The following DLG2 variants were observed in gnomAD, a reference collection of about 807,000 sequenced individuals.
DLG2 encodes the protein discs large MAGUK scaffold protein 2, also known as disks large homolog 2.
In DLG2, 45 loss-of-function variants were observed where a neutral mutation model predicts 132.5. The ratio of observed to expected loss-of-function variants is 0.34; its 90% CI spans 0.27 to 0.44. The LOEUF (loss-of-function observed/expected upper bound fraction) is 0.44. Among genes scored for constraint, DLG2 ranks in the 20% least tolerant of loss-of-function variants. The pLI, the probability that DLG2 is intolerant of heterozygous loss-of-function variation, is 1.00. For synonymous variants in DLG2, 424 were observed against 419.6 expected, an observed-to-expected ratio of 1.01 and a Z score of -0.13; for missense variants, 1,045 against 1,196.9, an observed-to-expected ratio of 0.87 and a Z score of 1.87.
intron 3 of DLG2, among the ~76,000 whole-genome samples, chr11:85,424,100 C>T (rs2090531142): frequency 6.6e-6 from 1 of 152,156 alleles, no homozygotes; most frequent in Non-Finnish European, 1.5e-5. Flanking sequence ...ATTGCTTCGT[C>T]TACCACTGTA....
intron 19 of DLG2, among the ~76,000 whole-genome samples, chr11:83,550,036 A>G (rs2096349811): frequency 6.6e-6 from 1 of 152,222 alleles, no homozygotes; most frequent in African/African-American, 2.4e-5. Flanking sequence ...TGTGGATTGT[A>G]TGACATGGGT....
intron 6 of DLG2, among the ~76,000 whole-genome samples, chr11:84,623,498 A>G (rs2099617341): frequency 6.6e-6 from 1 of 152,168 alleles, no homozygotes; most frequent in Non-Finnish European, 1.5e-5. Flanking sequence ...ATGGCAGAGA[A>G]ATATTATTAT....
At chr11:83,814,042 A>G (rs1162535197) in intron 17 of DLG2, among the ~76,000 whole-genome samples, 1 of 152,180 alleles carries the variant, frequency 6.6e-6, no homozygotes, top group Non-Finnish European at 1.5e-5. Flanking sequence ...TAGAGAAAGT[A>G]ATGACTTCTA....
intron 8 of DLG2, among the ~76,000 whole-genome samples, chr11:84,211,431 G>T (rs1004133452): frequency 6.6e-6 from 1 of 152,186 alleles, no homozygotes; most frequent in African/African-American, 2.4e-5. Flanking sequence ...TTAAGAGAGA[G>T]ATTGGGTCTT....
At chr11:83,928,440 T>G (rs1056105344) in intron 15 of DLG2, among the ~76,000 whole-genome samples, 1 of 151,724 alleles carries the variant, frequency 6.6e-6, no homozygotes, top group Admixed American at 6.6e-5. Context: ...AAAATCCCCA[T>G]TGGAATGGAA....
chr11:83,863,211 T>TTG (rs1359340309), intron 16 of DLG2, among the ~76,000 whole-genome samples: 1 of 152,196 alleles, frequency 6.6e-6, no homozygotes, highest in African/African-American at 2.4e-5. Context: ...ACTTACTCTT[T>TTG]TGTGTGTAAA....
chr11:84,873,662 C>T (rs2085857374), intron 6 of DLG2, among the ~76,000 whole-genome samples: 1 of 152,160 alleles, frequency 6.6e-6, no homozygotes, highest in East Asian at 1.9e-4. Context: ...GATCATCACT[C>T]AGGAATTTTG....
intron 3 of DLG2, among the ~76,000 whole-genome samples, chr11:85,483,827 C>T (rs1312947236): frequency 6.6e-6 from 1 of 150,826 alleles, no homozygotes; most frequent in Non-Finnish European, 1.5e-5. Context: ...ACCTGTAATC[C>T]CAGCTACTCA....
chr11:83,824,827 AGTGATATT>A (rs2052023699), intron 17 of DLG2, among the ~76,000 whole-genome samples: 1 of 152,048 alleles, frequency 6.6e-6, no homozygotes. Context: ...TCCTTTGAGT[AGTGATATT>A]GTGAGTCAGG....
At chr11:84,754,924 A>C (rs1388556612) in intron 6 of DLG2, among the ~76,000 whole-genome samples, 1 of 152,156 alleles carries the variant, frequency 6.6e-6, no homozygotes, top group East Asian at 1.9e-4. Flanking sequence ...ACTTCCTCTT[A>C]GTTTTTCTGT....
At chr11:84,599,989 C>T (rs1311928457) in intron 6 of DLG2, among the ~76,000 whole-genome samples, 4 of 145,830 alleles carry the variant, frequency 2.7e-5, no homozygotes, top group Non-Finnish European at 6.0e-5. Context: ...ATCCTGATGG[C>T]TGAGGTAGGA....
chr11:85,373,943 T>C (rs977236239), intron 3 of DLG2, among the ~76,000 whole-genome samples: 2 of 152,160 alleles, frequency 1.3e-5, no homozygotes, highest in African/African-American at 4.8e-5. Flanking sequence ...TGGAGGATAT[T>C]ATGATAGCCA....
intron 21 of DLG2, among the ~76,000 whole-genome samples, chr11:83,531,259 A>G (rs2095736577): frequency 2.0e-5 from 3 of 152,022 alleles, no homozygotes; most frequent in Admixed American, 2.0e-4. Context: ...AAGCATATAT[A>G]TCTCATAAAG....
chr11:84,774,698 C>G (rs1295922132), intron 6 of DLG2, among the ~76,000 whole-genome samples: 1 of 152,068 alleles, frequency 6.6e-6, no homozygotes, highest in African/African-American at 2.4e-5. Context: ...GGAGAGAGGA[C>G]TTTCTAGTCA....
intron 8 of DLG2, among the ~76,000 whole-genome samples, chr11:84,184,519 T>C (rs1042908901): frequency 6.6e-6 from 1 of 151,508 alleles, no homozygotes; most frequent in Admixed American, 6.6e-5. Flanking sequence ...ATTCTGTAGG[T>C]TGCCTGTTCA....
intron 15 of DLG2, among the ~76,000 whole-genome samples, chr11:83,917,885 G>A (rs2064608202): frequency 6.6e-6 from 1 of 152,162 alleles, no homozygotes; most frequent in Admixed American, 6.5e-5. Context: ...GTTATTACTA[G>A]AGGAAAATCT....
At chr11:85,223,017 C>A (rs1475194791) in intron 4 of DLG2, among the ~76,000 whole-genome samples, 1 of 152,138 alleles carries the variant, frequency 6.6e-6, no homozygotes, top group Non-Finnish European at 1.5e-5. Flanking sequence ...AAACCTGGAA[C>A]CTAAAGCAGC....
intron 3 of DLG2, among the ~76,000 whole-genome samples, chr11:85,303,330 T>C (rs759982989): frequency 2.0e-5 from 3 of 152,206 alleles, no homozygotes; most frequent in Non-Finnish European, 4.4e-5. Flanking sequence ...ATCTCTGGCA[T>C]CTTACTGTAC....
At chr11:84,159,099 A>G (rs1256518235) in intron 9 of DLG2, among the ~76,000 whole-genome samples, 1 of 152,192 alleles carries the variant, frequency 6.6e-6, no homozygotes, top group African/African-American at 2.4e-5. Flanking sequence ...ATGTGCGTCT[A>G]TGTTACTGTC....
Sources: allele counts gnomAD v4.1 joint callset (sites outside exome capture counted in the v4.1 genomes callset), GRCh38; gene constraint gnomAD v4.1.1; transcripts MANE v1.5; gene names NCBI Gene and HGNC (gene_info 2026-07-23, HGNC 2026-07-21).